The following LMNA variants were observed in gnomAD, a reference collection of about 807,000 sequenced individuals.
LMNA encodes the protein lamin A/C, also known as lamin.
A neutral mutation model predicts 70.4 loss-of-function variants in LMNA; 20 were observed. The ratio of observed to expected loss-of-function variants is 0.28; its 90% CI spans 0.20 to 0.41. LMNA has a LOEUF of 0.41. LMNA is among the 10% of genes least tolerant of loss of function. The pLI is 1.00. For synonymous variants in LMNA, 339 were observed against 372.8 expected (o/e 0.91, Z 1.04); for missense variants, 652 against 917.2 (o/e 0.71, Z 3.73).
In LMNA at chr1:156,137,757, G is replaced by C. The variant is rs200917748; in HGVS notation, c.1698+14G>C. ...CATCACCACCACGTGAGTGGTAGCC[G>C]CCGCTGAGGCCGAGCCTGCACTGGG... On this transcript the variant is annotated intron_variant, in intron 10 of 11. Transcript: ENST00000368300. This position sits in a 1 kb window ranked among gnomAD's most constrained non-coding sequence, Gnocchi z 4.6. 3.1e-5 allele frequency: 48 copies of C among 1,546,932 alleles called. No individual in the cohort carries two copies. The highest frequency in any genetic ancestry group is 1.2e-4 in the Admixed American group (6 of 50,984).
rs665979 is a variant in LMNA at position 156,129,839 on chromosome 1, C to G, written c.357-778C>G. On this transcript the variant is annotated intron_variant, in intron 1 of 11. Transcript: ENST00000368300. Reference sequence around the variant, plus strand: ...CTTTGAGGAGCAGGGAGGCTTAAAGCTGGGGCCCAGATGGACCTGGAGGCC... The same window carrying G: ...CTTTGAGGAGCAGGGAGGCTTAAAGGTGGGGCCCAGATGGACCTGGAGGCC... 53,775 of 768,380 alleles carry G rather than the reference C, an allele frequency of 0.07. 4,230 individuals carry two copies. The highest frequency in any genetic ancestry group is 0.32 in the African/African-American group (18,796 of 58,950). The allele number at this position is 768,380 out of a possible 1,614,324, so 47.6% of individuals were successfully genotyped here.
In LMNA at chr1:156,136,327, C is replaced by G. The variant is rs2102890444; in HGVS notation, c.1271C>G (p.Thr424Ser). Residue 424 changes from threonine (T) to serine (S), a missense_variant, in exon 7 of 12, where the codon ACT becomes AGT. By Grantham distance (58) the Thr-to-Ser change is moderately conservative. Transcript: ENST00000368300. The surrounding 1 kb of genome is among the most constrained non-coding windows in gnomAD (Gnocchi z 6.1). Reference sequence around the variant, plus strand: ...ACCAAAAAGCGCAAACTGGAGTCCACTGAGAGCCGCAGCAGCTTCTCACAG... The same window carrying G: ...ACCAAAAAGCGCAAACTGGAGTCCAGTGAGAGCCGCAGCAGCTTCTCACAG... ...SVTKKRKLES[T>S]ESRSSFSQHA... The G allele has an allele frequency of 1.2e-6, 2 of 1,612,244 alleles. No homozygotes were observed. Among genetic ancestry groups the G allele is most frequent in the Non-Finnish European group, 1.7e-6 (2 of 1,180,026 alleles).
rs777049902 is a variant in LMNA, at chr1:156,126,683, T to G, written c.357-3934T>G. 46 of 1,489,932 alleles carry G rather than the reference T, an allele frequency of 3.1e-5. 1 individual carries two copies. Among genetic ancestry groups the G allele is most frequent in the Non-Finnish European group, 4.0e-5 (44 of 1,090,874 alleles). 92.3% of individuals were successfully genotyped at this position (1,489,932 alleles called of 1,614,324 possible). A position where few individuals can be genotyped will look rare whatever the true frequency, so the allele number is the denominator to read the frequency against. On this transcript the variant is annotated intron_variant, in intron 1 of 11. Transcript: ENST00000368300. ...GCCAACTCTCATTTCTACCTTATTC[T>G]TTTCCTCTCTGTTCCCCTCCCCACC... is the stretch of plus-strand genomic sequence containing the variant.
intron 1 of LMNA, among the ~76,000 whole-genome samples, chr1:156,129,355 C>T (rs1249645001): frequency 2.0e-5 from 3 of 152,286 alleles, no homozygotes; most frequent in East Asian, 3.9e-4. Flanking sequence ...GCCTGGGTCT[C>T]GTCCTCCAGA....
At chr1:156,126,711 C>T in intron 1 of LMNA, 6 of 1,553,516 alleles carry the variant, frequency 3.9e-6, no homozygotes, top group Non-Finnish European at 5.2e-6. Context: ...TCCCCACCCC[C>T]TCTCTTCCCT....
At chr1:156,126,509 C>G (rs764779214) in intron 1 of LMNA, 1 of 681,998 alleles carries the variant, frequency 1.5e-6, no homozygotes, top group African/African-American at 1.8e-5. Context: ...AGCGCCTGGC[C>G]CGGTGCCCAC....
In LMNA at chr1:156,137,803, G is replaced by C; in HGVS notation, c.1698+60G>C. On this transcript the variant is annotated intron_variant, in intron 10 of 11. Transcript: ENST00000368300. The surrounding 1 kb of genome is among the most constrained non-coding windows in gnomAD (Gnocchi z 4.6). ...CTGGGGCCACCCAGCCAGGCCTGGG[G>C]GCAGCCTCTCCCCAGCCTCCCCGTG... is the stretch of plus-strand genomic sequence containing the variant. 6.5e-7 allele frequency: 1 copy of C among 1,546,902 alleles called. No homozygotes were observed. Among genetic ancestry groups the C allele is most frequent in the Non-Finnish European group, 8.7e-7 (1 of 1,146,454 alleles).
rs1374862663 is a variant in LMNA at position 156,136,900 on chromosome 1, T to C, written c.1381-21T>C. ...CCTGGGTGAGCCTCCCCGACCTTCC[T>C]CTTCCCTATCTTCCCGGCAGGACCA... is the stretch of plus-strand genomic sequence containing the variant. On this transcript the variant is annotated intron_variant, in intron 7 of 11. Transcript: ENST00000368300. The surrounding 1 kb of genome is among the most constrained non-coding windows in gnomAD (Gnocchi z 6.1). 10 of 1,608,046 alleles carry C rather than the reference T, an allele frequency of 6.2e-6. No individual in the cohort carries two copies. The highest frequency in any genetic ancestry group is 8.5e-6 in the Non-Finnish European group (10 of 1,176,218).
chr1:156,136,638 C>T lies in LMNA; in HGVS notation c.1380+202C>T. 1 of 681,060 alleles carries T rather than the reference C, an allele frequency of 1.5e-6. No homozygotes were observed. The highest frequency in any genetic ancestry group is 2.6e-6 in the Non-Finnish European group (1 of 384,112). 42.2% of individuals were successfully genotyped at this position (681,060 alleles called of 1,614,324 possible). On this transcript the variant is annotated intron_variant, in intron 7 of 11. Coordinates refer to ENST00000368300, the MANE Select transcript of LMNA (RefSeq NM_170707.4). This position sits in a 1 kb window ranked among gnomAD's most constrained non-coding sequence, Gnocchi z 6.1. ...AGACCTTGAGCAGGTTATTTAACCT[C>T]TCAGAGCATCAGTTTCCTCATCTGT...
At chr1:156,120,316 C>T (rs1650099061) in intron 1 of LMNA, among the ~76,000 whole-genome samples, 1 of 152,210 alleles carries the variant, frequency 6.6e-6, no homozygotes, top group African/African-American at 2.4e-5. Flanking sequence ...CATTAAGCCT[C>T]ACTTCTCTAG....
At chr1:156,118,395 C>T (rs1241866839) in intron 1 of LMNA, among the ~76,000 whole-genome samples, 2 of 152,188 alleles carry the variant, frequency 1.3e-5, no homozygotes, top group Admixed American at 1.3e-4. Context: ...AGGCCTGGGA[C>T]ACCAGGCGGG....
intron 1 of LMNA, chr1:156,123,346 C>G (rs1015449152): frequency 4.6e-5 from 7 of 152,192 alleles, no homozygotes; most frequent in African/African-American, 1.7e-4. Flanking sequence ...TAGGAGAGAG[C>G]TGTGTCTTCT....
rs768700201 is a variant in LMNA at position 156,138,675 on chromosome 1, T to G, written c.1886T>G (p.Val629Gly). Residue 629 changes from valine (V) to glycine (G), a missense_variant, in exon 11 of 12, where the codon GTG becomes GGG. By Grantham distance (109) the Val-to-Gly change is moderately radical. Around this residue, in one of 4 missense-constraint regions of LMNA, gnomAD observed 327 missense variants for 387.6 expected, o/e 0.84. Transcript: ENST00000368300. This position sits in a 1 kb window ranked among gnomAD's most constrained non-coding sequence, Gnocchi z 5.5. The stretch of plus-strand genomic sequence containing the variant: ...ACGGTCACTCGCAGCTACCGCAGTG[T>G]GGGGGGCAGTGGGGGTGGCAGCTTC... ...SVTVTRSYRS[V>G]GGSGGGSFGD... 7.4e-6 allele frequency: 12 copies of G among 1,613,616 alleles called. No individual in the cohort carries two copies. The highest frequency in any genetic ancestry group is 2.2e-5 in the South Asian group (2 of 91,068).
Position 156,134,828 on chromosome 1 carries a change from T to A in LMNA, c.663T>A (p.Arg221=). ...AGGAGCTGCGTGAGACCAAGCGCCGTCATGAGACCCGACTGGTGGAGATTG... is the reference window on the plus strand; with the variant it reads ...AGGAGCTGCGTGAGACCAAGCGCCGACATGAGACCCGACTGGTGGAGATTG... The part of the protein sequence containing the change: ...YSEELRETKR[R]HETRLVEIDN... The change falls in exon 4 of 12, where the codon CGT becomes CGA. Residue 221 remains arginine, a synonymous_variant. Transcript: ENST00000368300. This position sits in a 1 kb window ranked among gnomAD's most constrained non-coding sequence, Gnocchi z 5.3. The A allele has an allele frequency of 6.2e-7, 1 of 1,614,148 alleles. No homozygotes were observed. The highest frequency in any genetic ancestry group is 1.1e-5 in the South Asian group (1 of 91,080).
chr1:156,127,522 T>G (rs1026411789), intron 1 of LMNA, among the ~76,000 whole-genome samples: 6 of 135,130 alleles, frequency 4.4e-5, no homozygotes, highest in African/African-American at 8.5e-5. Flanking sequence ...TTTTTTTTTT[T>G]TTTTTTTTTT....
rs1184537696 is a variant in LMNA at position 156,135,149 on chromosome 1, C to T, written c.811-38C>T. On this transcript the variant is annotated intron_variant, in intron 4 of 11. Coordinates refer to ENST00000368300, the MANE Select transcript of LMNA (RefSeq NM_170707.4). The surrounding 1 kb of genome is among the most constrained non-coding windows in gnomAD (Gnocchi z 4.8). ...CTCAGGCCTGTGCCTCCACCCCTCCCAGTCACCACAGTCCTAACCCTTTGT... is the reference window on the plus strand; with the variant it reads ...CTCAGGCCTGTGCCTCCACCCCTCCTAGTCACCACAGTCCTAACCCTTTGT... The T allele has an allele frequency of 6.2e-7, 1 of 1,613,874 alleles. No individual in the cohort carries two copies. Among genetic ancestry groups the T allele is most frequent in the Non-Finnish European group, 8.5e-7 (1 of 1,179,984 alleles).
At chr1:156,101,716 G>A (rs969609812) in intron 3 of LMNA, among the ~76,000 whole-genome samples, 3 of 152,152 alleles carry the variant, frequency 2.0e-5, no homozygotes, top group Non-Finnish European at 4.4e-5. Context: ...TGGGAGCAGA[G>A]GCAAGGGTGG....
At chr1:156,130,308 A>G (rs1193810322) in intron 1 of LMNA, among the ~76,000 whole-genome samples, 1 of 152,050 alleles carries the variant, frequency 6.6e-6, no homozygotes, top group African/African-American at 2.4e-5. Flanking sequence ...TTTGGGAAAG[A>G]ATGGGAGGAG....
chr1:156,087,292 G>A (rs1648514047), intron 2 of LMNA, among the ~76,000 whole-genome samples: 1 of 150,076 alleles, frequency 6.7e-6, no homozygotes, highest in Non-Finnish European at 1.5e-5. Flanking sequence ...CACCCAGGCT[G>A]GAGTGCAGTG....
Sources: gnomAD v4.1 joint callset for allele counts (sites outside exome capture counted in the v4.1 genomes callset) on GRCh38, gnomAD v4.1.1 for gene constraint, gnomAD v4.1.1 regional missense constraint, Gnocchi (gnomAD v3.1) non-coding constraint, MANE v1.5 for transcripts, NCBI Gene and HGNC (gene_info 2026-07-23, HGNC 2026-07-21) for gene names.